PINX1: variants seen among roughly 807,000 people sequenced by gnomAD.
PINX1 encodes the protein PIN2 (TERF1) interacting telomerase inhibitor 1.
PINX1 carries 34 observed loss-of-function variants against 25.4 expected under a neutral mutation model. The ratio of observed to expected loss-of-function variants is 1.34; its 90% CI spans 1.02 to 1.78. The LOEUF (loss-of-function observed/expected upper bound fraction) is 1.78, where lower values mean the gene tolerates loss of function less well. Ranked by LOEUF, PINX1 falls within the 40% of genes most tolerant of loss-of-function variation. PINX1 has a pLI of 0.00. For synonymous variants in PINX1, 197 were observed against 147.7 expected (o/e 1.33, Z -2.42); for missense variants, 592 against 404.9 (o/e 1.46, Z -3.97).
Position 10,765,413 on chromosome 8 carries a change from TTTC to T in PINX1, c.972_974del (p.Lys325del), listed in dbSNP as rs201660183. Reference sequence around the variant, plus strand: ...GGCTGGGAAGGATTCATTTGGAATCTTTCTTCTTCTTCTTTTTCACTAGCGTTT... The same window carrying T: ...GGCTGGGAAGGATTCATTTGGAATCTTTCTTCTTCTTTTTCACTAGCGTTT... On this transcript the variant is annotated inframe_deletion, in exon 7 of 7. Transcript: ENST00000314787. 1,718 of 1,602,006 alleles carry T rather than the reference TTTC, an allele frequency of 1.1e-3. 9 individuals carry two copies. In the African/African-American group the frequency reaches 0.016, roughly 15 times the overall value.
At chr8:10,782,756 G>C (rs1801627088) in intron 6 of PINX1, among the ~76,000 whole-genome samples, 1 of 149,940 alleles carries the variant, frequency 6.7e-6, no homozygotes, top group Non-Finnish European at 1.5e-5. Context: ...GTACTCAGGA[G>C]CCAGACTCCC....
At chr8:10,785,403 C>T (rs58160517) in intron 6 of PINX1, among the ~76,000 whole-genome samples, 215 of 152,260 alleles carry the variant, frequency 1.4e-3, no homozygotes, top group African/African-American at 5.0e-3. Flanking sequence ...AATCATGCTT[C>T]GGTGATAAAT....
At chr8:10,790,582 G>C (rs1271973154) in intron 6 of PINX1, among the ~76,000 whole-genome samples, 10 of 152,042 alleles carry the variant, frequency 6.6e-5, no homozygotes, top group Admixed American at 6.6e-4. Flanking sequence ...CCCAATCCCA[G>C]GGCCTCGACC....
chr8:10,807,769 T>C (rs775850453), intron 6 of PINX1, among the ~76,000 whole-genome samples: 70 of 152,180 alleles, frequency 4.6e-4, no homozygotes, highest in Non-Finnish European at 8.2e-4. Context: ...TTCAGACCTG[T>C]GCCCTTTTCA....
At chr8:10,835,131 T>G (rs575378075) in intron 1 of PINX1, among the ~76,000 whole-genome samples, 2 of 152,194 alleles carry the variant, frequency 1.3e-5, no homozygotes, top group African/African-American at 4.8e-5. Flanking sequence ...CCATCAGCAG[T>G]AGTAGCAGCA....
chr8:10,766,717 T>G (rs1016268068), intron 6 of PINX1, among the ~76,000 whole-genome samples: 1 of 152,268 alleles, frequency 6.6e-6, no homozygotes, highest in Non-Finnish European at 1.5e-5. Flanking sequence ...ATTAGGATTT[T>G]AATTTTAAAT....
rs187268168 is a variant in PINX1 at position 10,827,469 on chromosome 8, T to C, written c.302-1225A>G. Reference sequence around the variant, plus strand: ...GTTGATCTGGGGTTAGAGTCAATTATAAATTAGCTAGCCACCTGCATTCTC... The same window carrying C: ...GTTGATCTGGGGTTAGAGTCAATTACAAATTAGCTAGCCACCTGCATTCTC... On this transcript the variant is annotated intron_variant, in intron 4 of 6. Transcript: ENST00000314787. 2.3e-3 allele frequency among the ~76,000 whole-genome samples: 354 copies of C among 152,134 alleles called. 5 individuals are homozygous for C. Among genetic ancestry groups the C allele is most frequent in the Admixed American group, 0.016 (251 of 15,268 alleles).
At chr8:10,803,005 C>A (rs1802318538) in intron 6 of PINX1, among the ~76,000 whole-genome samples, 3 of 152,266 alleles carry the variant, frequency 2.0e-5, no homozygotes, top group Non-Finnish European at 4.4e-5. Flanking sequence ...ACATTGTGAA[C>A]TTCAATGTCA....
At chr8:10,775,203 T>C (rs1350173659) in intron 6 of PINX1, among the ~76,000 whole-genome samples, 3 of 152,122 alleles carry the variant, frequency 2.0e-5, no homozygotes, top group Non-Finnish European at 1.5e-5. Flanking sequence ...ACAAAAAATA[T>C]ATTGAAAACT....
At chr8:10,836,911 A>T (rs550242834) in intron 1 of PINX1, among the ~76,000 whole-genome samples, 2 of 151,096 alleles carry the variant, frequency 1.3e-5, no homozygotes, top group African/African-American at 4.9e-5. Flanking sequence ...GGTGTGGAAA[A>T]TCATGGTAAG....
At chr8:10,780,152 C>T (rs1257477786) in intron 6 of PINX1, among the ~76,000 whole-genome samples, 1 of 152,152 alleles carries the variant, frequency 6.6e-6, no homozygotes, top group African/African-American at 2.4e-5. Context: ...AGGATCAGGT[C>T]ATCTGCAAAC....
intron 6 of PINX1, among the ~76,000 whole-genome samples, chr8:10,813,724 G>C (rs368587505): frequency 1.4e-4 from 22 of 152,238 alleles, no homozygotes; most frequent in African/African-American, 5.1e-4. Context: ...AAGAAAAGGA[G>C]AATTATTTTG....
intron 3 of PINX1, 91 bp from the exon 4 acceptor site, chr8:10,831,834 G>T: frequency 1.4e-6 from 1 of 703,032 alleles, no homozygotes; most frequent in Non-Finnish European, 2.5e-6. Flanking sequence ...GAAATCCAGT[G>T]GTTAATTAAG....
At chr8:10,775,490 TAA>T (rs1801364774) in intron 6 of PINX1, among the ~76,000 whole-genome samples, 1 of 150,060 alleles carries the variant, frequency 6.7e-6, no homozygotes, top group African/African-American at 2.5e-5. Context: ...AAGATTTTTA[TAA>T]AGTTAAAAAA....
chr8:10,765,160 C>G lies in PINX1; in HGVS notation c.*241G>C, dbSNP rs1195031071. The G allele has an allele frequency of 7.8e-6, 4 of 513,674 alleles. No homozygotes were observed. Among genetic ancestry groups the G allele is most frequent in the Admixed American group, 7.4e-5 (2 of 27,140 alleles). 31.8% of individuals were successfully genotyped at this position (513,674 alleles called of 1,614,324 possible). A position where few individuals can be genotyped will look rare whatever the true frequency, so the allele number is the denominator to read the frequency against. On this transcript the variant is annotated 3_prime_UTR_variant, in exon 7 of 7. Transcript: ENST00000314787. ...AATTAAACTCTCTTGCTGAAGGGCT[C>G]AGAGTTTACAAAAAAATTTATTTGT...
chr8:10,818,115 A>C (rs1037629680), intron 6 of PINX1, among the ~76,000 whole-genome samples: 18 of 152,168 alleles, frequency 1.2e-4, no homozygotes, highest in African/African-American at 4.1e-4. Context: ...GCCTGGTAGA[A>C]GACCACCTCA....
At chr8:10,811,670 G>A (rs1329105197) in intron 6 of PINX1, among the ~76,000 whole-genome samples, 1 of 152,190 alleles carries the variant, frequency 6.6e-6, no homozygotes, top group African/African-American at 2.4e-5. Flanking sequence ...TGCTCCCCAG[G>A]CAAGCTCGGG....
At chr8:10,803,131 T>C (rs1186779095) in intron 6 of PINX1, among the ~76,000 whole-genome samples, 2 of 152,252 alleles carry the variant, frequency 1.3e-5, no homozygotes, top group East Asian at 3.8e-4. Context: ...AAAAAATTAG[T>C]GAACCCTAAT....
intron 6 of PINX1, among the ~76,000 whole-genome samples, chr8:10,819,892 CCT>C (rs1453627868): frequency 6.6e-6 from 1 of 152,296 alleles, no homozygotes; most frequent in African/African-American, 2.4e-5. Context: ...GATATTTTCC[CCT>C]CTGATTGTAT....
Sources: gnomAD v4.1 joint callset for allele counts (sites outside exome capture counted in the v4.1 genomes callset) on GRCh38, gnomAD v4.1.1 for gene constraint, MANE v1.5 for transcripts, NCBI Gene and HGNC (gene_info 2026-07-23, HGNC 2026-07-21) for gene names.